The following HECTD4 variants were observed in gnomAD, a reference collection of about 807,000 sequenced individuals.
The protein encoded by HECTD4 is probable E3 ubiquitin-protein ligase HECTD4.
Under a neutral mutation model 471.5 loss-of-function variants are expected in HECTD4, and 114 were observed. That is an observed-to-expected ratio of 0.24 (90% CI 0.21 to 0.28). The LOEUF (loss-of-function observed/expected upper bound fraction) is 0.28. Among genes scored for constraint, HECTD4 ranks in the 10% least tolerant of loss-of-function variants. The pLI is 1.00. For synonymous variants in HECTD4, 2,012 were observed against 2,256.0 expected (o/e 0.89, Z 3.07); for missense variants, 3,866 against 5,651.5 (o/e 0.68, Z 10.13).
intron 1 of HECTD4, among the ~76,000 whole-genome samples, chr12:112,341,383 T>C (rs765575180): frequency 3.3e-5 from 5 of 152,332 alleles, no homozygotes; most frequent in East Asian, 1.9e-4. Flanking sequence ...TCTAAACCTG[T>C]GGTTTGTAAC....
Position 112,306,046 on chromosome 12 carries a change from G to T in HECTD4, c.1335+18C>A. 6.3e-7 allele frequency: 1 copy of T among 1,584,928 alleles called. No homozygotes were observed. The highest frequency in any genetic ancestry group is 1.2e-5 in the South Asian group (1 of 85,128). On this transcript the variant is annotated intron_variant, in intron 7 of 75. Transcript: ENST00000682272. Reference sequence around the variant, plus strand: ...GAAATGTTTCTGCAAAGATACAAGCGAGAAAGTTCAAACTTACCACAAGTT... The same window carrying T: ...GAAATGTTTCTGCAAAGATACAAGCTAGAAAGTTCAAACTTACCACAAGTT...
chr12:112,318,494 C>G (rs1336094707), intron 2 of HECTD4, among the ~76,000 whole-genome samples: 1 of 152,006 alleles, frequency 6.6e-6, no homozygotes, highest in Non-Finnish European at 1.5e-5. Flanking sequence ...CCTGCCTAAG[C>G]CTCCAGGTAG....
At chr12:112,253,909 C>T (rs574966882) in intron 22 of HECTD4, 134 bp downstream of exon 22, 2 of 776,930 alleles carry the variant, frequency 2.6e-6, no homozygotes, top group East Asian at 5.4e-5. Context: ...AGCTGACAGG[C>T]CTGGTAAGGT....
intron 44 of HECTD4, among the ~76,000 whole-genome samples, chr12:112,225,553 A>T (rs1557793): frequency 1.3e-5 from 2 of 151,876 alleles, no homozygotes; most frequent in African/African-American, 2.4e-5. Flanking sequence ...GAACATGGTA[A>T]ATGACACCAC....
At chr12:112,187,295 G>GAA (rs2031908197) in intron 60 of HECTD4, among the ~76,000 whole-genome samples, 1 of 152,098 alleles carries the variant, frequency 6.6e-6, no homozygotes, top group Non-Finnish European at 1.5e-5. Context: ...AGCCTTAAGA[G>GAA]AAAGTGGGCC....
chr12:112,234,036 T>C (rs2033446136), intron 37 of HECTD4, among the ~76,000 whole-genome samples: 1 of 152,182 alleles, frequency 6.6e-6, no homozygotes, highest in Non-Finnish European at 1.5e-5. Context: ...CCTGGGTATA[T>C]TTTTATATTT....
Position 112,237,105 on chromosome 12 carries a change from A to T in HECTD4, c.5291-7T>A. The T allele has an allele frequency of 6.5e-7, 1 of 1,548,272 alleles. No homozygotes were observed. The highest frequency in any genetic ancestry group is 8.7e-7 in the Non-Finnish European group (1 of 1,145,594). Reference sequence around the variant, plus strand: ...ACAGCCTCTGTGGAGCCACCTTCACAGTTAAAGAAAGAAAAAAAGAGATTG... The same window carrying T: ...ACAGCCTCTGTGGAGCCACCTTCACTGTTAAAGAAAGAAAAAAAGAGATTG... On this transcript the variant is annotated splice_polypyrimidine_tract_variant and splice_region_variant and intron_variant, in intron 34 of 75. Coordinates refer to ENST00000682272, the MANE Select transcript of HECTD4 (RefSeq NM_001388303.1).
chr12:112,279,132 A>G (rs749267774), intron 9 of HECTD4, 96 bp downstream of exon 9: 10 of 1,070,820 alleles, frequency 9.3e-6, no homozygotes, highest in Non-Finnish European at 1.3e-5. Flanking sequence ...GCAAACAACT[A>G]TTTAACAAAG....
intron 45 of HECTD4, among the ~76,000 whole-genome samples, chr12:112,217,831 T>G (rs185999323): frequency 1.3e-5 from 2 of 152,344 alleles, no homozygotes; most frequent in Non-Finnish European, 2.9e-5. Flanking sequence ...TGACTTAATA[T>G]TCAGCTCAAG....
chr12:112,348,244 T>A (rs1486515582), intron 1 of HECTD4, among the ~76,000 whole-genome samples: 1 of 152,206 alleles, frequency 6.6e-6, no homozygotes, highest in African/African-American at 2.4e-5. Flanking sequence ...ATATACTTTA[T>A]CTGGGTAACC....
rs1290103823 is a variant in HECTD4 at position 112,231,597 on chromosome 12, T to G, written c.6116A>C (p.Glu2039Ala). ...IGPPVESINP[E>A]TVSGLSTGDK... ...GCCTGTGGATAGTCCACTCACAGTC[T>G]CTGGGTTGATAGACTCTACAGGTGG... is the stretch of plus-strand genomic sequence containing the variant. The change falls in exon 39 of 76, where the codon GAG becomes GCG. Residue 2039 changes from glutamate to alanine, a missense_variant. Around this residue, in one of 16 missense-constraint regions of HECTD4, gnomAD observed 617 missense variants for 915.1 expected, o/e 0.67. Coordinates refer to ENST00000682272, the MANE Select transcript of HECTD4 (RefSeq NM_001388303.1). 1.2e-6 allele frequency: 2 copies of G among 1,614,000 alleles called. No homozygotes were observed. The highest frequency in any genetic ancestry group is 3.3e-5 in the Admixed American group (2 of 60,020).
intron 59 of HECTD4, among the ~76,000 whole-genome samples, chr12:112,192,026 A>G (rs759451266): frequency 1.3e-5 from 2 of 152,162 alleles, no homozygotes; most frequent in Non-Finnish European, 1.5e-5. Context: ...GTGCATACAG[A>G]GGACAGGCAG....
rs1826502031 is a variant in HECTD4 at position 112,313,124 on chromosome 12, G to A, written c.809C>T (p.Pro270Leu). 6.5e-7 allele frequency: 1 copy of A among 1,535,206 alleles called. No individual in the cohort carries two copies. The highest frequency in any genetic ancestry group is 1.4e-5 in the African/African-American group (1 of 72,916). The change falls in exon 4 of 76, where the codon CCT becomes CTT. Residue 270 changes from proline (P) to leucine (L), a missense_variant. By Grantham distance (98) the Pro-to-Leu change is moderately conservative. Transcript: ENST00000682272. The stretch of plus-strand genomic sequence containing the variant: ...CCCAAGCAAACAGGAGGGAGATCCA[G>A]GCCCCCCTTCCAAAAGCAACAGCCT... ...LYRLLLLEGG[P>L]GSPSCLLGGK...
At chr12:112,343,338 T>A (rs1167260644) in intron 1 of HECTD4, among the ~76,000 whole-genome samples, 1 of 152,238 alleles carries the variant, frequency 6.6e-6, no homozygotes, top group Non-Finnish European at 1.5e-5. Flanking sequence ...CTAAATAAAT[T>A]AATTAAACAG....
At chr12:112,203,141 C>G (rs2135534184) in intron 54 of HECTD4, 1 of 152,504 alleles carries the variant, frequency 6.6e-6, no homozygotes, top group Middle Eastern at 3.4e-3. Context: ...AGGGTCTCGC[C>G]ATGTTGCCCA....
rs201270254 is a variant in HECTD4 at position 112,282,418 on chromosome 12, G to GA, written c.1528+691dup. 8.2e-3 allele frequency among the ~76,000 whole-genome samples: 1,222 copies of GA among 149,360 alleles called. 17 individuals are homozygous for GA. The highest frequency in any genetic ancestry group is 0.028 in the African/African-American group (1,140 of 40,778). ...AACAAAAACAAAAAACAACAACAAC[G>GA]AAAAAAAAAGTGCAGAACAATGTAT... On this transcript the variant is annotated intron_variant, in intron 8 of 75. Transcript: ENST00000682272.
chr12:112,243,497 A>G lies in HECTD4; in HGVS notation c.4814T>C (p.Leu1605Ser). 6.2e-7 allele frequency: 1 copy of G among 1,606,058 alleles called. No homozygotes were observed. The change falls in exon 32 of 76, where the codon TTG becomes TCG. Residue 1605 changes from leucine to serine, a missense_variant. By Grantham distance (145) the Leu-to-Ser change is moderately radical (BLOSUM62 -2). Around this residue, in one of 16 missense-constraint regions of HECTD4, gnomAD observed 229 missense variants for 386.4 expected, o/e 0.59. Coordinates refer to ENST00000682272, the MANE Select transcript of HECTD4 (RefSeq NM_001388303.1). This position sits in a 1 kb window ranked among gnomAD's most constrained non-coding sequence, Gnocchi z 6.6. The part of the protein sequence containing the change: ...DQAVSSSSFL[L>S]AAQTRWRRGN... ...CCGCCGCCACCTTGTCTGTGCAGCC[A>G]AAAGGAAACTGCTGCTGGACACCTG...
rs1269605953 is a variant in HECTD4, at chr12:112,173,535, G to A, written c.11595-674C>T. ...CTCCTGACTAGCTAGGACTACAGGC[G>A]CCTGCCACCACACCTGGCTAATTTT... On this transcript the variant is annotated intron_variant, in intron 66 of 75. Transcript: ENST00000682272. This position sits in a 1 kb window ranked among gnomAD's most constrained non-coding sequence, Gnocchi z 4.3. Among the ~76,000 whole-genome samples the A allele has an allele frequency of 1.1e-4, 16 of 151,700 alleles. No homozygotes were observed. The highest frequency in any genetic ancestry group is 7.2e-4 in the Admixed American group (11 of 15,228).
intron 1 of HECTD4, among the ~76,000 whole-genome samples, chr12:112,371,721 T>C (rs921527120): frequency 6.6e-6 from 1 of 151,786 alleles, no homozygotes; most frequent in African/African-American, 2.4e-5. Flanking sequence ...ACCCCGTCTC[T>C]ACTAAAACTA....
Sources: allele counts gnomAD v4.1 joint callset (sites outside exome capture counted in the v4.1 genomes callset), GRCh38; gene constraint gnomAD v4.1.1; regional missense constraint gnomAD v4.1.1; non-coding constraint Gnocchi (gnomAD v3.1); transcripts MANE v1.5; gene names NCBI Gene and HGNC (gene_info 2026-07-23, HGNC 2026-07-21).